Variants in NRG1 observed in about 807,000 individuals in gnomAD.
The protein encoded by NRG1 is neuregulin 1.
In NRG1, 18 loss-of-function variants were observed where a neutral mutation model predicts 63.8. The ratio of observed to expected loss-of-function variants is 0.28; its 90% CI spans 0.19 to 0.42. The LOEUF (loss-of-function observed/expected upper bound fraction) is 0.42. Among genes scored for constraint, NRG1 ranks in the 10% least tolerant of loss-of-function variants. The probability of loss-of-function intolerance (pLI) is 1.00; values close to 1 mark genes in which losing one functional copy is unlikely to be tolerated. For synonymous variants in NRG1, 302 were observed against 301.3 expected (o/e 1.00, Z -0.02); for missense variants, 762 against 814.7 (o/e 0.94, Z 0.79).
intron 1 of NRG1, among the ~76,000 whole-genome samples, chr8:31,781,937 C>T (rs1178736450): frequency 1.3e-5 from 2 of 152,140 alleles, no homozygotes. Context: ...CTTTCTGTGG[C>T]TAAGAGGAAG....
At chr8:31,954,183 C>T (rs1215834759) in intron 1 of NRG1, among the ~76,000 whole-genome samples, 1 of 152,120 alleles carries the variant, frequency 6.6e-6, no homozygotes, top group Non-Finnish European at 1.5e-5. Context: ...AAATCACAGC[C>T]CTGGAGCTGG....
intron 1 of NRG1, among the ~76,000 whole-genome samples, chr8:32,062,527 A>G (rs527719673): frequency 6.6e-6 from 1 of 152,170 alleles, no homozygotes. Context: ...TGCCTGGGTA[A>G]GTGAGGGCTC....
intron 1 of NRG1, among the ~76,000 whole-genome samples, chr8:32,222,306 C>T (rs952919596): frequency 5.9e-5 from 9 of 152,196 alleles, no homozygotes; most frequent in African/African-American, 1.9e-4. Context: ...TTGTTTTTCA[C>T]TTACTCTCTT....
At chr8:32,536,957 T>C (rs954342327) in intron 1 of NRG1, among the ~76,000 whole-genome samples, 1 of 142,794 alleles carries the variant, frequency 7.0e-6, no homozygotes, top group African/African-American at 2.6e-5. Flanking sequence ...AAATTCTGTT[T>C]GTCGGCCAGG....
rs377606427 is a variant in NRG1 at position 32,697,787 on chromosome 8, C to T, written c.503-30162C>T. Among the ~76,000 whole-genome samples, 9 of 152,296 alleles carry T rather than the reference C, an allele frequency of 5.9e-5. No individual in the cohort carries two copies. In the South Asian group the frequency reaches 1.9e-3, roughly 32 times the overall value. On this transcript the variant is annotated intron_variant, in intron 5 of 11. Transcript: ENST00000356819. The stretch of plus-strand genomic sequence containing the variant: ...CAGATAAGATTTTCACAAATCAGTG[C>T]AGTATGGCCCTGTTACTTTTTATAG...
intron 1 of NRG1, among the ~76,000 whole-genome samples, chr8:32,350,897 C>A (rs1805521412): frequency 6.6e-6 from 1 of 152,132 alleles, no homozygotes; most frequent in South Asian, 2.1e-4. Flanking sequence ...TGTCCACGCC[C>A]CACTCAGCAC....
At chr8:32,165,490 T>C (rs549340852) in intron 1 of NRG1, among the ~76,000 whole-genome samples, 1 of 152,010 alleles carries the variant, frequency 6.6e-6, no homozygotes. Flanking sequence ...AACATATGAG[T>C]ATAATAAACA....
At chr8:31,816,729 C>T (rs936887176) in intron 1 of NRG1, among the ~76,000 whole-genome samples, 1 of 152,164 alleles carries the variant, frequency 6.6e-6, no homozygotes, top group African/African-American at 2.4e-5. Flanking sequence ...CTTCTGGCTC[C>T]ACTTTATCTC....
chr8:31,780,450 G>A (rs1177668683), intron 1 of NRG1, among the ~76,000 whole-genome samples: 2 of 152,096 alleles, frequency 1.3e-5, no homozygotes, highest in South Asian at 2.1e-4. Flanking sequence ...GTCAAATATG[G>A]AACAGATGGA....
At chr8:31,745,734 A>T (rs963604460) in intron 1 of NRG1, among the ~76,000 whole-genome samples, 2 of 151,968 alleles carry the variant, frequency 1.3e-5, no homozygotes, top group Admixed American at 6.6e-5. Context: ...TGCTGTGAGC[A>T]TGAATGAGCC....
chr8:32,608,107 G>T (rs67602103), intron 3 of NRG1, among the ~76,000 whole-genome samples: 53,068 of 103,540 alleles, frequency 0.51, 11,420 homozygotes, highest in Admixed American at 0.56. Context: ...TTTTTTTTTT[G>T]TTTTTTTTTT....
intron 1 of NRG1, among the ~76,000 whole-genome samples, chr8:31,672,465 G>A (rs1807254767): frequency 6.6e-6 from 1 of 152,124 alleles, no homozygotes; most frequent in Non-Finnish European, 1.5e-5. Flanking sequence ...TGACCATCTG[G>A]ACCAGTTTAG....
At chr8:31,716,551 A>G (rs1812367855) in intron 1 of NRG1, among the ~76,000 whole-genome samples, 1 of 152,236 alleles carries the variant, frequency 6.6e-6, no homozygotes, top group African/African-American at 2.4e-5. Context: ...CAACATAAAC[A>G]ATAAGATTTA....
chr8:32,291,306 A>G (rs79663366), intron 1 of NRG1, among the ~76,000 whole-genome samples: 7,531 of 152,210 alleles, frequency 0.049, 488 homozygotes, highest in African/African-American at 0.15. Context: ...TCCTCATAAC[A>G]TACAAAGTTA....
intron 1 of NRG1, among the ~76,000 whole-genome samples, chr8:31,975,906 A>G (rs1013202060): frequency 6.6e-6 from 1 of 152,088 alleles, no homozygotes; most frequent in Non-Finnish European, 1.5e-5. Context: ...TTGCTTTTAT[A>G]TTTGTTTTAT....
intron 1 of NRG1, among the ~76,000 whole-genome samples, chr8:31,857,189 A>G (rs1585300150): frequency 6.6e-6 from 1 of 152,222 alleles, no homozygotes; most frequent in Non-Finnish European, 1.5e-5. Context: ...AGCCTGGGCA[A>G]TGGCGGGCGC....
intron 1 of NRG1, among the ~76,000 whole-genome samples, chr8:32,020,781 G>T (rs1281588905): frequency 6.6e-6 from 1 of 152,108 alleles, no homozygotes; most frequent in Non-Finnish European, 1.5e-5. Context: ...TTCAACTCTA[G>T]AAAATATTTG....
In NRG1 at chr8:31,864,298, G is replaced by A. The variant is rs117324237; in HGVS notation, c.37+224867G>A. On this transcript the variant is annotated intron_variant, in intron 1 of 10. Transcript: ENST00000519301. ...AAAGACATGGTCCTTCCCTCATAGA[G>A]CTTACCTCTTAGTGCAGTAGAGACA... Among the ~76,000 whole-genome samples the A allele has an allele frequency of 2.1e-4, 32 of 152,288 alleles. No homozygotes were observed. In the East Asian group the frequency reaches 5.8e-3, roughly 28 times the overall value.
intron 1 of NRG1, among the ~76,000 whole-genome samples, chr8:32,284,557 A>G (rs776779359): frequency 7.7e-6 from 1 of 130,084 alleles, no homozygotes; most frequent in Non-Finnish European, 1.6e-5. Flanking sequence ...TTTCCACAGA[A>G]TCTCGCTCTG....
Sources: allele counts gnomAD v4.1 joint callset (sites outside exome capture counted in the v4.1 genomes callset), GRCh38; gene constraint gnomAD v4.1.1; transcripts MANE v1.5; gene names NCBI Gene and HGNC (gene_info 2026-07-23, HGNC 2026-07-21).